The following PTPRK variants were observed in gnomAD, a reference collection of about 807,000 sequenced individuals.
The protein encoded by PTPRK is protein tyrosine phosphatase receptor type K.
PTPRK carries 75 observed loss-of-function variants against 178.0 expected under a neutral mutation model. The observed-to-expected ratio is 0.42, with a 90% CI of 0.35 to 0.51. The LOEUF is 0.51. Among genes scored for constraint, PTPRK ranks in the 20% least tolerant of loss-of-function variants. PTPRK has a pLI of 0.02. For synonymous variants in PTPRK, 637 were observed against 620.6 expected (o/e 1.03, Z -0.39); for missense variants, 1,441 against 1,797.8 (o/e 0.80, Z 3.59).
At chr6:127,991,102 C>T (rs1776555640) in intron 20 of PTPRK, among the ~76,000 whole-genome samples, 192 bp downstream of exon 20, 1 of 151,870 alleles carries the variant, frequency 6.6e-6, no homozygotes, top group Admixed American at 6.6e-5. Flanking sequence ...AAAATTAAAG[C>T]TTATTTTATT....
intron 1 of PTPRK, among the ~76,000 whole-genome samples, chr6:128,461,477 A>G (rs1849045186): frequency 6.6e-6 from 1 of 152,070 alleles, no homozygotes; most frequent in Admixed American, 6.6e-5. Flanking sequence ...GCACACATTG[A>G]CCTGTTTTTT....
intron 2 of PTPRK, among the ~76,000 whole-genome samples, chr6:128,350,097 T>C (rs559703201): frequency 5.1e-4 from 77 of 152,208 alleles, no homozygotes; most frequent in Middle Eastern, 3.4e-3. Context: ...GACTGATACA[T>C]GCATTCACTT....
chr6:128,502,320 C>A (rs1409852967), intron 1 of PTPRK, among the ~76,000 whole-genome samples: 1 of 152,160 alleles, frequency 6.6e-6, no homozygotes, highest in Non-Finnish European at 1.5e-5. Context: ...GAAAAACAGT[C>A]TTCTTCTTGG....
chr6:128,034,171 A>G (rs9321106), intron 13 of PTPRK, among the ~76,000 whole-genome samples: 36,777 of 152,120 alleles, frequency 0.24, 6,259 homozygotes, highest in African/African-American at 0.48. Flanking sequence ...AAAGGGCAGT[A>G]CATTCTTTTC....
intron 11 of PTPRK, among the ~76,000 whole-genome samples, chr6:128,078,433 A>G (rs539948499): frequency 9.2e-5 from 14 of 152,064 alleles, no homozygotes; most frequent in African/African-American, 3.4e-4. Flanking sequence ...TAACTCTTAC[A>G]GTAAAAGAAA....
At chr6:128,487,401 C>T (rs1016295585) in intron 1 of PTPRK, among the ~76,000 whole-genome samples, 1 of 151,500 alleles carries the variant, frequency 6.6e-6, no homozygotes. Flanking sequence ...CTTATTCTGA[C>T]TTTCTCCTGC....
chr6:128,218,997 GGTCAGTTTTT>G lies in PTPRK; in HGVS notation c.783_792del (p.Lys262ArgfsTer7). 1.2e-6 allele frequency: 2 copies of G among 1,613,990 alleles called. No homozygotes were observed. Among genetic ancestry groups the G allele is most frequent in the Non-Finnish European group, 1.7e-6 (2 of 1,179,928 alleles). ...TGAGTTACACAGCGATACAAATCCT[GGTCAGTTTTT>G]GTCACTTCTTGCAATCTGAAGGAAG... On this transcript the variant is annotated frameshift_variant, in exon 6 of 30. Transcript: ENST00000368226. LOFTEE classifies it high-confidence loss of function.
intron 1 of PTPRK, among the ~76,000 whole-genome samples, chr6:128,511,464 T>G (rs2128443338): frequency 6.6e-6 from 1 of 152,328 alleles, no homozygotes; most frequent in Admixed American, 6.5e-5. Context: ...AACCAGCAGA[T>G]AATTCACATT....
At chr6:127,973,945 A>C (rs1774223692) in intron 27 of PTPRK, 118 bp from the exon 28 acceptor site, 1 of 958,500 alleles carries the variant, frequency 1.0e-6, no homozygotes, top group African/African-American at 1.7e-5. Context: ...TCTAGCTGAT[A>C]TAAATCCTCA....
chr6:128,486,677 C>A (rs113860425), intron 1 of PTPRK, among the ~76,000 whole-genome samples: 3 of 151,848 alleles, frequency 2.0e-5, no homozygotes, highest in African/African-American at 7.3e-5. Context: ...GAGGCATGTG[C>A]CTGCAGCATC....
In PTPRK at chr6:128,240,103, C is replaced by T. The variant is rs1253751416; in HGVS notation, c.625G>A (p.Gly209Arg). 1 of 1,614,064 alleles carries T rather than the reference C, an allele frequency of 6.2e-7. No individual in the cohort carries two copies. Among genetic ancestry groups the T allele is most frequent in the Non-Finnish European group, 8.5e-7 (1 of 1,179,954 alleles). The change falls in exon 5 of 30, where the codon GGG becomes AGG. Residue 209 changes from glycine to arginine, a missense_variant. By Grantham distance (125) the Gly-to-Arg change is moderately radical. Around this residue, in one of 4 missense-constraint regions of PTPRK, gnomAD observed 945 missense variants for 1,080.6 expected, o/e 0.87. Transcript: ENST00000368226. ...LRLGDVEVNA[G>R]QNATFQCIAT... ...ATGCACTGAAATGTAGCGTTTTGCCCTGCATTCACCTCTACATCCCCTAGA... is the reference window on the plus strand; with the variant it reads ...ATGCACTGAAATGTAGCGTTTTGCCTTGCATTCACCTCTACATCCCCTAGA...
chr6:127,984,661 T>C (rs898850268), intron 22 of PTPRK, among the ~76,000 whole-genome samples: 2 of 152,204 alleles, frequency 1.3e-5, no homozygotes, highest in African/African-American at 2.4e-5. Context: ...GCTAGTAACA[T>C]TATTTCCTTG....
At chr6:128,443,763 A>G (rs1320454472) in intron 1 of PTPRK, among the ~76,000 whole-genome samples, 1 of 152,220 alleles carries the variant, frequency 6.6e-6, no homozygotes, top group African/African-American at 2.4e-5. Flanking sequence ...TAATGATTTC[A>G]GTTTGCTATG....
At chr6:128,217,852 C>T (rs1042262259) in intron 6 of PTPRK, among the ~76,000 whole-genome samples, 12 of 152,120 alleles carry the variant, frequency 7.9e-5, no homozygotes, top group African/African-American at 1.2e-4. Flanking sequence ...GTCTCAGCCC[C>T]AGTTTAGATA....
At chr6:128,193,130 C>T (rs951730609) in intron 6 of PTPRK, among the ~76,000 whole-genome samples, 2 of 151,822 alleles carry the variant, frequency 1.3e-5, no homozygotes, top group Admixed American at 6.6e-5. Context: ...ACACTCTGAA[C>T]GATGTAGCAA....
At chr6:128,115,814 T>C (rs575651937) in intron 7 of PTPRK, among the ~76,000 whole-genome samples, 2 of 152,226 alleles carry the variant, frequency 1.3e-5, no homozygotes, top group South Asian at 2.1e-4. Context: ...GATAATCAGA[T>C]ACAGATGGAA....
At chr6:128,466,381 GCAAGAATTGT>G (rs1849846113) in intron 1 of PTPRK, among the ~76,000 whole-genome samples, 1 of 152,106 alleles carries the variant, frequency 6.6e-6, no homozygotes, top group Non-Finnish European at 1.5e-5. Flanking sequence ...AATAGCATAG[GCAAGAATTGT>G]CAAAGACGAA....
intron 6 of PTPRK, among the ~76,000 whole-genome samples, chr6:128,209,203 G>A (rs1807606512): frequency 6.6e-6 from 1 of 151,942 alleles, no homozygotes; most frequent in African/African-American, 2.4e-5. Context: ...TTCTGAGACA[G>A]ATAATATGTA....
chr6:128,451,947 T>C (rs1027996738), intron 1 of PTPRK, among the ~76,000 whole-genome samples: 1 of 152,222 alleles, frequency 6.6e-6, no homozygotes. Context: ...GCTTTTCATA[T>C]ATACACATAA....
Sources: allele counts gnomAD v4.1 joint callset (sites outside exome capture counted in the v4.1 genomes callset), GRCh38; gene constraint gnomAD v4.1.1; regional missense constraint gnomAD v4.1.1; transcripts MANE v1.5; gene names NCBI Gene and HGNC (gene_info 2026-07-23, HGNC 2026-07-21).